Variants in STEAP4 observed in about 807,000 individuals in gnomAD.
STEAP4 encodes the protein STEAP4 metalloreductase.
STEAP4 carries 36 observed loss-of-function variants against 43.6 expected under a neutral mutation model. The observed-to-expected ratio is 0.83, with a 90% CI of 0.63 to 1.09. The LOEUF is 1.09. Among genes scored for constraint, STEAP4 ranks in the 50% least tolerant of loss-of-function variants. STEAP4 has a pLI of 0.00. For missense variants in STEAP4, 495 were observed against 546.5 expected, an observed-to-expected ratio of 0.91 and a Z score of 0.94; for synonymous variants, 191 against 196.7, an observed-to-expected ratio of 0.97 and a Z score of 0.24.
At chr7:88,281,642 T>A (rs1171614344) in intron 3 of STEAP4, 1 of 152,214 alleles carries the variant, frequency 6.6e-6, no homozygotes, top group Non-Finnish European at 1.5e-5. Flanking sequence ...CATTAATGAC[T>A]AACTAATAAT....
In STEAP4 at chr7:88,270,948, A is replaced by G. The variant is rs1425352738; in HGVS notation, c.*8450T>C. ...TTTAATTGACACACGATAATTATAC[A>G]TATTTATGGGGTACATAGTGACATT... On this transcript the variant is annotated 3_prime_UTR_variant, in exon 5 of 5. Coordinates refer to ENST00000380079, the MANE Select transcript of STEAP4 (RefSeq NM_024636.4). The G allele has an allele frequency of 6.6e-6, 1 of 152,138 alleles. No homozygotes were observed. The highest frequency in any genetic ancestry group is 1.5e-5 in the Non-Finnish European group (1 of 67,990). 9.4% of individuals were successfully genotyped at this position (152,138 alleles called of 1,614,324 possible).
intron 1 of STEAP4, among the ~76,000 whole-genome samples, chr7:88,305,193 G>A (rs546372727): frequency 9.9e-5 from 15 of 152,270 alleles, no homozygotes; most frequent in African/African-American, 2.9e-4. Context: ...CAGTGGAACT[G>A]TAAACGTTAC....
rs746090599 is a variant in STEAP4, at chr7:88,280,953, T to C, written c.1111A>G (p.Ser371Gly). 4 of 1,612,184 alleles carry C rather than the reference T, an allele frequency of 2.5e-6. No individual in the cohort carries two copies. Among genetic ancestry groups the C allele is most frequent in the Non-Finnish European group, 3.4e-6 (4 of 1,179,332 alleles). ...LLGITSLPSV[S>G]NAVNWREFRF... ...AACTCTCTCCAGTTGACTGCATTGC[T>C]AACAGATGGCAAAGAAGTGATTCCC... The change falls in exon 4 of 5, where the codon AGC (serine) becomes GGC (glycine). Residue 371 changes from serine to glycine, a missense_variant. Ser to Gly is a moderately conservative substitution (Grantham distance 56). Transcript: ENST00000380079.
chr7:88,273,690 G>A lies in STEAP4; in HGVS notation c.*5708C>T, dbSNP rs1441096329. 1.3e-5 allele frequency: 2 copies of A among 152,196 alleles called. No individual in the cohort carries two copies. The highest frequency in any genetic ancestry group is 4.8e-5 in the African/African-American group (2 of 41,450). 9.4% of individuals were successfully genotyped at this position (152,196 alleles called of 1,614,324 possible). A position where few individuals can be genotyped will look rare whatever the true frequency, so the allele number is the denominator to read the frequency against. On this transcript the variant is annotated 3_prime_UTR_variant, in exon 5 of 5. Coordinates refer to ENST00000380079, the MANE Select transcript of STEAP4 (RefSeq NM_024636.4). ...ATATTTGCCTTTAAGCTCTGGAGAA[G>A]AGCTATCCTCTCCTTGACTGCCCCT... is the stretch of plus-strand genomic sequence containing the variant.
In STEAP4 at chr7:88,283,965, A is replaced by G; in HGVS notation, c.305T>C (p.Val102Ala). The change falls in exon 2 of 5, where the codon GTA becomes GCA. Residue 102 changes from valine (V) to alanine (A), a missense_variant. Val to Ala is a moderately conservative substitution (Grantham distance 64). Coordinates refer to ENST00000380079, the MANE Select transcript of STEAP4 (RefSeq NM_024636.4). ...GATTTTGAGGTTGTTGCTGATGTCT[A>G]CCAATATTTTTCCATTGAGAACCTC... ...LTEVLNGKIL[V>A]DISNNLKINQ... The G allele has an allele frequency of 6.2e-7, 1 of 1,614,088 alleles. No homozygotes were observed. The highest frequency in any genetic ancestry group is 8.5e-7 in the Non-Finnish European group (1 of 1,180,002).
In STEAP4 at chr7:88,272,852, C is replaced by T. The variant is rs1852457527; in HGVS notation, c.*6546G>A. The T allele has an allele frequency of 1.3e-5, 2 of 152,118 alleles. No individual in the cohort carries two copies. The highest frequency in any genetic ancestry group is 4.1e-4 in the South Asian group (2 of 4,832). 9.4% of individuals were successfully genotyped at this position (152,118 alleles called of 1,614,324 possible). ...ACTCCCTGATAATTTCCTGGAGTGC[C>T]TAAAACAAAAGATTTCCTGTTGGTG... On this transcript the variant is annotated 3_prime_UTR_variant, in exon 5 of 5. Transcript: ENST00000380079.
Position 88,282,647 on chromosome 7 carries a change from A to G in STEAP4, c.978T>C (p.Val326=). 2.5e-6 allele frequency: 4 copies of G among 1,612,004 alleles called. No homozygotes were observed. The highest frequency in any genetic ancestry group is 3.4e-6 in the Non-Finnish European group (4 of 1,178,494). ...TATATAAGAAGAGATTTACCTGGGT[A>G]ACGGTTAAGTTTCCCAATCTCCATC... ...YVRWRLGNLT[V]TQAILKKENP... The change falls in exon 3 of 5, where the codon GTT becomes GTC. Residue 326 remains valine, a synonymous_variant. Transcript: ENST00000380079.
intron 1 of STEAP4, among the ~76,000 whole-genome samples, chr7:88,302,741 G>A (rs1360019450): frequency 2.0e-5 from 3 of 151,846 alleles, no homozygotes; most frequent in Non-Finnish European, 4.4e-5. Context: ...ATCACTTGAG[G>A]TCAGGAGTTG....
intron 4 of STEAP4, 57 bp downstream of exon 4, chr7:88,280,858 T>G: frequency 7.0e-7 from 1 of 1,436,502 alleles, no homozygotes; most frequent in Non-Finnish European, 9.3e-7. Context: ...TTAAATATGA[T>G]TGCTAGGGAA....
At chr7:88,285,756 CAAAAAA>C (rs371254467) in intron 1 of STEAP4, among the ~76,000 whole-genome samples, 1 of 78,394 alleles carries the variant, frequency 1.3e-5, no homozygotes, top group Non-Finnish European at 2.5e-5. Flanking sequence ...GACTTTGTCT[CAAAAAA>C]AAAAAAAAAA....
intron 1 of STEAP4, among the ~76,000 whole-genome samples, chr7:88,287,140 G>C (rs117686289): frequency 0.027 from 4,110 of 152,272 alleles, 62 homozygotes; most frequent in South Asian, 0.056. Flanking sequence ...TTGCATTGAG[G>C]CTACAGCTAC....
At chr7:88,306,674 A>G in intron 1 of STEAP4, 118 bp downstream of exon 1, 1 of 152,620 alleles carries the variant, frequency 6.6e-6, no homozygotes, top group Non-Finnish European at 1.5e-5. Flanking sequence ...CGCGGCGGGG[A>G]GTTTGCAAGC....
In STEAP4 at chr7:88,283,802, G is replaced by A; in HGVS notation, c.456+12C>T. 6.2e-7 allele frequency: 1 copy of A among 1,600,266 alleles called. No individual in the cohort carries two copies. The highest frequency in any genetic ancestry group is 8.5e-7 in the Non-Finnish European group (1 of 1,172,268). ...TGTTTTAAAGATTGAGTGTAAATTT[G>A]TTTATTCTTACCTGCCGACTTGCAT... On this transcript the variant is annotated intron_variant, in intron 2 of 4. Transcript: ENST00000380079.
chr7:88,291,538 C>T (rs964914935), intron 1 of STEAP4, among the ~76,000 whole-genome samples: 5 of 148,742 alleles, frequency 3.4e-5, no homozygotes, highest in Non-Finnish European at 6.0e-5. Context: ...ACACTCTCAA[C>T]CACAAGGGAG....
intron 1 of STEAP4, among the ~76,000 whole-genome samples, chr7:88,305,619 C>T (rs1853116591): frequency 6.6e-6 from 1 of 152,120 alleles, no homozygotes; most frequent in Non-Finnish European, 1.5e-5. Flanking sequence ...TTAAGATGCT[C>T]CTGTGGGAAG....
At chr7:88,279,712 C>G (rs570124417) in intron 4 of STEAP4, 84 bp from the exon 5 acceptor site, 2 of 1,147,600 alleles carry the variant, frequency 1.7e-6, no homozygotes, top group East Asian at 2.6e-5. Flanking sequence ...AGATATTTGT[C>G]AACAACCACA....
chr7:88,284,380 TATCTTAA>T, intron 1 of STEAP4, 109 bp from the exon 2 acceptor site: 1 of 819,410 alleles, frequency 1.2e-6, no homozygotes, highest in Non-Finnish European at 1.8e-6. Context: ...GTAATCTAAT[TATCTTAA>T]CTATATTTAC....
Position 88,295,367 on chromosome 7 carries a change from G to A in STEAP4, c.-2-11096C>T, listed in dbSNP as rs76784481. 3.7e-3 allele frequency among the ~76,000 whole-genome samples: 561 copies of A among 152,244 alleles called. 7 individuals are homozygous for A. The South Asian group carries it at 0.059, about 16-fold the overall frequency. On this transcript the variant is annotated intron_variant, in intron 1 of 4. Coordinates refer to ENST00000380079, the MANE Select transcript of STEAP4 (RefSeq NM_024636.4). ...GGCTTATGAAAATGCAAATACCTCT[G>A]CAAAGGGTTACACTAGAAACCAGTG...
At chr7:88,283,728 T>C in intron 2 of STEAP4, 86 bp downstream of exon 2, 4 of 1,371,406 alleles carry the variant, frequency 2.9e-6, no homozygotes, top group Non-Finnish European at 4.0e-6. Flanking sequence ...CATTTCATCT[T>C]GGAATTATAT....
Sources: gnomAD v4.1 joint callset for allele counts (sites outside exome capture counted in the v4.1 genomes callset) on GRCh38, gnomAD v4.1.1 for gene constraint, MANE v1.5 for transcripts, NCBI Gene and HGNC (gene_info 2026-07-23, HGNC 2026-07-21) for gene names.